Variants in GATAD2A observed in about 807,000 individuals in gnomAD.
GATAD2A encodes transcriptional repressor p66-alpha.
A neutral mutation model predicts 68.5 loss-of-function variants in GATAD2A; 12 were observed. The ratio of observed to expected loss-of-function variants is 0.18; its 90% CI spans 0.11 to 0.28. The LOEUF is 0.28. Among genes scored for constraint, GATAD2A ranks in the 10% least tolerant of loss-of-function variants. The pLI is 1.00. For missense variants in GATAD2A, 755 were observed against 868.5 expected, an observed-to-expected ratio of 0.87 and a Z score of 1.64; for synonymous variants, 410 against 375.3, an observed-to-expected ratio of 1.09 and a Z score of -1.07.
chr19:19,447,146 G>GA (rs1223892160), intron 1 of GATAD2A, among the ~76,000 whole-genome samples: 1 of 152,300 alleles, frequency 6.6e-6, no homozygotes, highest in Non-Finnish European at 1.5e-5. Context: ...GATGAGGCAG[G>GA]AAAGGGGATA....
chr19:19,504,721 C>G (rs543070677), intron 11 of GATAD2A, among the ~76,000 whole-genome samples: 13 of 148,670 alleles, frequency 8.7e-5, no homozygotes, highest in East Asian at 4.0e-4. Context: ...GATCATAGCT[C>G]TCTTGCAGCC....
rs551425902 is a variant in GATAD2A at position 19,508,427 on chromosome 19, C to T, written c.*2953C>T. The T allele has an allele frequency of 6.6e-6, 1 of 152,360 alleles. No individual in the cohort carries two copies. Among genetic ancestry groups the T allele is most frequent in the South Asian group, 2.1e-4 (1 of 4,826 alleles). 9.4% of individuals were successfully genotyped at this position (152,360 alleles called of 1,614,324 possible). A position where few individuals can be genotyped will look rare whatever the true frequency, so the allele number is the denominator to read the frequency against. On this transcript the variant is annotated 3_prime_UTR_variant, in exon 12 of 12. Coordinates refer to ENST00000683918, the MANE Select transcript of GATAD2A (RefSeq NM_001384528.1). Reference sequence around the variant, plus strand: ...GTTGTGCCTGGTCTTACCTGTACTCCACGGACCTCGGTGAAGCAAAAGCTT... The same window carrying T: ...GTTGTGCCTGGTCTTACCTGTACTCTACGGACCTCGGTGAAGCAAAAGCTT...
At chr19:19,488,890 GC>G (rs1254204636) in intron 2 of GATAD2A, among the ~76,000 whole-genome samples, 4 of 152,170 alleles carry the variant, frequency 2.6e-5, no homozygotes, top group African/African-American at 7.2e-5. Context: ...TAAACTTGGT[GC>G]CCGGGACGGC....
At chr19:19,500,043 G>T (rs1452815166) in intron 8 of GATAD2A, among the ~76,000 whole-genome samples, 1 of 152,216 alleles carries the variant, frequency 6.6e-6, no homozygotes. Context: ...CCCTGCCTGT[G>T]CGGGCATCCG....
chr19:19,462,658 A>G (rs1008419613), intron 1 of GATAD2A, among the ~76,000 whole-genome samples: 2 of 152,188 alleles, frequency 1.3e-5, no homozygotes, highest in Non-Finnish European at 2.9e-5. Context: ...CCAACAAGAG[A>G]GGTCTCTGGG....
intron 1 of GATAD2A, among the ~76,000 whole-genome samples, chr19:19,390,218 A>G (rs2048745961): frequency 6.6e-6 from 1 of 152,078 alleles, no homozygotes; most frequent in Non-Finnish European, 1.5e-5. Flanking sequence ...GCATGTTATT[A>G]AATATTCGAG....
At chr19:19,460,374 A>G (rs2057322591) in intron 1 of GATAD2A, among the ~76,000 whole-genome samples, 2 of 152,202 alleles carry the variant, frequency 1.3e-5, no homozygotes, top group Non-Finnish European at 2.9e-5. Flanking sequence ...GTGTGCCTAC[A>G]GGGTCCTTGT....
chr19:19,419,744 G>C (rs1477088308), intron 1 of GATAD2A, among the ~76,000 whole-genome samples: 1 of 152,020 alleles, frequency 6.6e-6, no homozygotes, highest in African/African-American at 2.4e-5. Context: ...TTGAACTCCT[G>C]ACCTCAGGTG....
intron 8 of GATAD2A, among the ~76,000 whole-genome samples, chr19:19,499,303 G>C (rs1425654752): frequency 2.6e-5 from 4 of 152,188 alleles, no homozygotes; most frequent in Non-Finnish European, 4.4e-5. Context: ...GGGAGCCCCT[G>C]CTCCCCAGAC....
At chr19:19,451,250 G>A (rs1469742101) in intron 1 of GATAD2A, among the ~76,000 whole-genome samples, 1 of 151,956 alleles carries the variant, frequency 6.6e-6, no homozygotes, top group Non-Finnish European at 1.5e-5. Context: ...TTGTGGTGGT[G>A]CGTGCCTGTA....
chr19:19,422,288 A>AG (rs2052518956), intron 1 of GATAD2A, among the ~76,000 whole-genome samples: 1 of 152,184 alleles, frequency 6.6e-6, no homozygotes, highest in African/African-American at 2.4e-5. Context: ...CCACCGCAGG[A>AG]GGCAGGCGGT....
In GATAD2A at chr19:19,508,342, A is replaced by G. The variant is rs2060953733; in HGVS notation, c.*2868A>G. The G allele has an allele frequency of 6.6e-6, 1 of 152,294 alleles. No homozygotes were observed. The highest frequency in any genetic ancestry group is 1.5e-5 in the Non-Finnish European group (1 of 68,128). The allele number at this position is 152,294 out of a possible 1,614,324, so 9.4% of individuals were successfully genotyped here. On this transcript the variant is annotated 3_prime_UTR_variant, in exon 12 of 12. Transcript: ENST00000683918. Reference sequence around the variant, plus strand: ...CCCAGGAACTCTACGGTGACCAGGAACCACCCCTCTGACGAGGTCTGTAGC... The same window carrying G: ...CCCAGGAACTCTACGGTGACCAGGAGCCACCCCTCTGACGAGGTCTGTAGC...
chr19:19,447,690 C>T, intron 1 of GATAD2A, among the ~76,000 whole-genome samples: 1 of 152,212 alleles, frequency 6.6e-6, no homozygotes, highest in East Asian at 1.9e-4. Flanking sequence ...TCCCTGCTGG[C>T]TGTGATCCTC....
At chr19:19,466,969 C>T (rs192870890) in intron 2 of GATAD2A, among the ~76,000 whole-genome samples, 354 of 152,314 alleles carry the variant, frequency 2.3e-3, no homozygotes, top group Non-Finnish European at 4.4e-3. Flanking sequence ...AGTCCATGTG[C>T]ATGGGGTCCC....
chr19:19,418,660 G>A (rs10403737), intron 1 of GATAD2A, among the ~76,000 whole-genome samples: 5,325 of 152,230 alleles, frequency 0.035, 323 homozygotes, highest in African/African-American at 0.12. Flanking sequence ...ATTAAGACAC[G>A]TCTCTGAAAC....
intron 1 of GATAD2A, among the ~76,000 whole-genome samples, chr19:19,463,602 CTGGGGACAGGTGGA>C (rs2057639656): frequency 6.6e-6 from 1 of 152,154 alleles, no homozygotes; most frequent in Admixed American, 6.5e-5. Flanking sequence ...GCCAGAGGGG[CTGGGGACAGGTGGA>C]GGCAAGTCTG....
intron 1 of GATAD2A, among the ~76,000 whole-genome samples, chr19:19,421,131 G>A (rs1407556649): frequency 6.6e-6 from 1 of 152,162 alleles, no homozygotes; most frequent in Non-Finnish European, 1.5e-5. Flanking sequence ...GAGGATGCAC[G>A]AGCAGTCCCA....
chr19:19,484,518 C>CTTTTTTTT (rs58628123), intron 2 of GATAD2A, among the ~76,000 whole-genome samples: 5 of 114,464 alleles, frequency 4.4e-5, no homozygotes, highest in Non-Finnish European at 5.4e-5. Flanking sequence ...TTTTCTTTTT[C>CTTTTTTTT]TTTTTTTTTT....
At chr19:19,497,696 A>G (rs900752260) in intron 7 of GATAD2A, among the ~76,000 whole-genome samples, 9 of 151,952 alleles carry the variant, frequency 5.9e-5, no homozygotes, top group African/African-American at 2.2e-4. Flanking sequence ...GGGTGTGTCC[A>G]TTTTCTGGGG....
Sources: gnomAD v4.1 joint callset for allele counts (sites outside exome capture counted in the v4.1 genomes callset) on GRCh38, gnomAD v4.1.1 for gene constraint, MANE v1.5 for transcripts, NCBI Gene and HGNC (gene_info 2026-07-23, HGNC 2026-07-21) for gene names.